SLIT3: variants seen among roughly 807,000 people sequenced by gnomAD.
SLIT3 encodes the protein slit homolog 3 protein.
In SLIT3, 68 loss-of-function variants were observed where a neutral mutation model predicts 184.0. The observed-to-expected ratio is 0.37, with a 90% confidence interval of 0.30 to 0.45. SLIT3 has a LOEUF of 0.45. SLIT3 is among the 20% of genes least tolerant of loss of function. The pLI is 1.00. For missense variants in SLIT3, 1,707 were observed against 2,026.0 expected, an observed-to-expected ratio of 0.84 and a Z score of 3.02; for synonymous variants, 831 against 828.6, an observed-to-expected ratio of 1.00 and a Z score of -0.05.
At chr5:168,817,536 T>C in intron 7 of SLIT3, 73 bp from the exon 8 acceptor site, 1 of 1,474,524 alleles carries the variant, frequency 6.8e-7, no homozygotes. Flanking sequence ...CCAGACAGAG[T>C]GACCAAAACC....
intron 3 of SLIT3, among the ~76,000 whole-genome samples, chr5:169,202,068 C>CA (rs1763920274): frequency 6.6e-6 from 1 of 151,972 alleles, no homozygotes; most frequent in African/African-American, 2.4e-5. Flanking sequence ...CTCATCTCTA[C>CA]AAAAAATCCA....
At chr5:168,680,170 G>T (rs1203553333) in intron 32 of SLIT3, among the ~76,000 whole-genome samples, 1 of 152,228 alleles carries the variant, frequency 6.6e-6, no homozygotes, top group African/African-American at 2.4e-5. Flanking sequence ...TCCCTATGGG[G>T]ACTCCAGCCC....
chr5:168,875,326 A>C (rs1164370799), intron 5 of SLIT3, among the ~76,000 whole-genome samples: 1 of 151,686 alleles, frequency 6.6e-6, no homozygotes, highest in Non-Finnish European at 1.5e-5. Context: ...AGGAGGAAGG[A>C]GGGAGAAATG....
chr5:168,789,834 A>G, intron 10 of SLIT3: 1 of 542,434 alleles, frequency 1.8e-6, no homozygotes, highest in South Asian at 2.8e-5. Context: ...CCACATTTAC[A>G]TCACTCTTCT....
chr5:169,246,603 A>G (rs1055440904), intron 2 of SLIT3, among the ~76,000 whole-genome samples: 22 of 152,208 alleles, frequency 1.4e-4, no homozygotes, highest in African/African-American at 5.1e-4. Flanking sequence ...CATCTAGCCC[A>G]GGTTCTGCTA....
chr5:168,674,487 C>A (rs1761349427), intron 32 of SLIT3, among the ~76,000 whole-genome samples: 1 of 136,710 alleles, frequency 7.3e-6, no homozygotes, highest in Admixed American at 8.1e-5. Flanking sequence ...ATGGGATATT[C>A]ACTTTTTTTT....
chr5:168,731,834 G>A (rs1480236262), intron 20 of SLIT3, among the ~76,000 whole-genome samples: 1 of 152,006 alleles, frequency 6.6e-6, no homozygotes, highest in Non-Finnish European at 1.5e-5. Context: ...CAAACCCACA[G>A]CCAACATCAT....
chr5:169,207,974 G>A (rs909123335), intron 3 of SLIT3, among the ~76,000 whole-genome samples: 1 of 152,136 alleles, frequency 6.6e-6, no homozygotes, highest in Non-Finnish European at 1.5e-5. Flanking sequence ...AAGCCACCCA[G>A]AGTATGCTAT....
intron 3 of SLIT3, among the ~76,000 whole-genome samples, chr5:169,214,470 C>A (rs1201426500): frequency 6.6e-6 from 1 of 152,166 alleles, no homozygotes; most frequent in Non-Finnish European, 1.5e-5. Flanking sequence ...GTCTGGGAAA[C>A]TGGGAGGAGG....
chr5:168,998,831 T>C (rs113595884), intron 4 of SLIT3, among the ~76,000 whole-genome samples: 5,443 of 152,250 alleles, frequency 0.036, 123 homozygotes, highest in Middle Eastern at 0.051. Flanking sequence ...GTTAGAAATA[T>C]GAATTCTTGG....
At chr5:168,694,720 G>A (rs1324045135) in intron 28 of SLIT3, among the ~76,000 whole-genome samples, 1 of 152,190 alleles carries the variant, frequency 6.6e-6, no homozygotes, top group Non-Finnish European at 1.5e-5. Flanking sequence ...CTGGGTTCAA[G>A]TGATTCTCCT....
chr5:169,170,887 C>T (rs1225996849), intron 4 of SLIT3, among the ~76,000 whole-genome samples: 3 of 151,840 alleles, frequency 2.0e-5, no homozygotes, highest in South Asian at 4.2e-4. Flanking sequence ...TCAGGTGGCC[C>T]AATTAAAAAA....
intron 3 of SLIT3, among the ~76,000 whole-genome samples, chr5:169,241,068 C>T (rs920993633): frequency 1.3e-5 from 2 of 151,950 alleles, no homozygotes; most frequent in African/African-American, 4.8e-5. Flanking sequence ...AAGTCAACTC[C>T]CATGTTTTTC....
chr5:168,923,172 G>T (rs942569728), intron 4 of SLIT3, among the ~76,000 whole-genome samples: 8 of 152,136 alleles, frequency 5.3e-5, no homozygotes, highest in African/African-American at 1.9e-4. Flanking sequence ...CCTTGATTGA[G>T]AATGTTTTGG....
intron 4 of SLIT3, among the ~76,000 whole-genome samples, chr5:168,896,676 A>T (rs867876844): frequency 6.6e-6 from 1 of 152,346 alleles, no homozygotes; most frequent in South Asian, 2.1e-4. Flanking sequence ...AAAGCCTCCC[A>T]GCCCCTACGA....
Position 168,795,528 on chromosome 5 carries a change from T to C in SLIT3, c.986A>G (p.Gln329Arg). The change falls in exon 10 of 36, where the codon CAG becomes CGG. Residue 329 changes from glutamine to arginine, a missense_variant. Around this residue, in one of 3 missense-constraint regions of SLIT3, gnomAD observed 1,307 missense variants for 1,511.6 expected, o/e 0.86. Coordinates refer to ENST00000519560, the MANE Select transcript of SLIT3 (RefSeq NM_003062.4). Reference protein sequence around the residue: ...IKAIPAGAFTQYKKLKRIDIS... With the variant: ...IKAIPAGAFTRYKKLKRIDIS... ...TCACATTCGCTTCAGTTTCTTGTACTGGGTGAAGGCTCCTGCAGGGATGGC... is the reference window on the plus strand; with the variant it reads ...TCACATTCGCTTCAGTTTCTTGTACCGGGTGAAGGCTCCTGCAGGGATGGC... The C allele has an allele frequency of 1.2e-6, 2 of 1,613,804 alleles. No homozygotes were observed. Among genetic ancestry groups the C allele is most frequent in the East Asian group, 2.2e-5 (1 of 44,866 alleles).
intron 4 of SLIT3, among the ~76,000 whole-genome samples, chr5:168,892,332 C>A (rs886667656): frequency 2.0e-5 from 3 of 152,204 alleles, no homozygotes; most frequent in African/African-American, 7.2e-5. Context: ...GGACTGGCCA[C>A]ATTCTGAGTG....
chr5:169,240,726 G>A (rs1315121289), intron 3 of SLIT3, among the ~76,000 whole-genome samples: 2 of 150,880 alleles, frequency 1.3e-5, no homozygotes, highest in Non-Finnish European at 3.0e-5. Context: ...TACATATAAG[G>A]TAATATGATA....
At chr5:168,948,319 A>C (rs186581584) in intron 4 of SLIT3, among the ~76,000 whole-genome samples, 2 of 152,176 alleles carry the variant, frequency 1.3e-5, no homozygotes, top group East Asian at 3.9e-4. Flanking sequence ...GGGGCTGTGG[A>C]TTTTTGGGTT....
Sources: allele counts gnomAD v4.1 joint callset (sites outside exome capture counted in the v4.1 genomes callset), GRCh38; gene constraint gnomAD v4.1.1; regional missense constraint gnomAD v4.1.1; transcripts MANE v1.5; gene names NCBI Gene and HGNC (gene_info 2026-07-23, HGNC 2026-07-21).